Variants in GBE1 observed in about 807,000 individuals in gnomAD.
The protein encoded by GBE1 is 1,4-alpha-glucan-branching enzyme.
In GBE1, 70 loss-of-function variants were observed where a neutral mutation model predicts 88.8. The ratio of observed to expected loss-of-function variants is 0.79; its 90% CI spans 0.65 to 0.96. The LOEUF is 0.96. Among genes scored for constraint, GBE1 ranks in the 40% least tolerant of loss-of-function variants. GBE1 has a pLI of 0.00. For synonymous variants in GBE1, 284 were observed against 300.1 expected (o/e 0.95, Z 0.56); for missense variants, 872 against 871.0 (o/e 1.00, Z -0.01).
chr3:81,750,605 ATATATATATATG>A (rs1559708648), intron 1 of GBE1, among the ~76,000 whole-genome samples: 19 of 35,530 alleles, frequency 5.3e-4, no homozygotes, highest in Admixed American at 6.2e-4. Flanking sequence ...ATATATGTGT[ATATATATATATG>A]TATATATATA....
At chr3:81,590,969 A>T in intron 9 of GBE1, 68 bp downstream of exon 9, 1 of 1,363,556 alleles carries the variant, frequency 7.3e-7, no homozygotes, top group South Asian at 1.6e-5. Context: ...GATTAATCAA[A>T]TACTGTATGC....
chr3:81,582,150 A>T (rs1397935247), intron 10 of GBE1, among the ~76,000 whole-genome samples: 1 of 152,070 alleles, frequency 6.6e-6, no homozygotes, highest in Non-Finnish European at 1.5e-5. Context: ...ACTGTCATAC[A>T]ATTATGAGAA....
At chr3:81,624,982 C>T (rs1704391419) in intron 7 of GBE1, among the ~76,000 whole-genome samples, 1 of 151,582 alleles carries the variant, frequency 6.6e-6, no homozygotes, top group Non-Finnish European at 1.5e-5. Flanking sequence ...GAGCCAACCA[C>T]AGGGAAGACA....
intron 1 of GBE1, among the ~76,000 whole-genome samples, chr3:81,717,955 TTTTA>T (rs57810073): frequency 0.037 from 5,443 of 147,006 alleles, 201 homozygotes; most frequent in African/African-American, 0.092. Context: ...GGAAATTTTA[TTTTA>T]TTTATTTATT....
Position 81,708,372 on chromosome 3 carries a change from G to T in GBE1, c.144-2759C>A, listed in dbSNP as rs183651358. ...ATAAACTTTAATATTTTAAAAATAA[G>T]TAAGTCCAAGAGATCATGGAAAATG... is the stretch of plus-strand genomic sequence containing the variant. On this transcript the variant is annotated intron_variant, in intron 1 of 15. Coordinates refer to ENST00000429644, the MANE Select transcript of GBE1 (RefSeq NM_000158.4). Among the ~76,000 whole-genome samples, 778 of 152,016 alleles carry T rather than the reference G, an allele frequency of 5.1e-3. 4 individuals are homozygous for T. The highest frequency in any genetic ancestry group is 0.019 in the South Asian group (90 of 4,822).
chr3:81,618,991 A>C lies in GBE1; in HGVS notation c.992+23790T>G, dbSNP rs150827982. 3.0e-4 allele frequency among the ~76,000 whole-genome samples: 45 copies of C among 151,948 alleles called. No homozygotes were observed. In the East Asian group the frequency reaches 7.8e-3, roughly 26 times the overall value. On this transcript the variant is annotated intron_variant, in intron 7 of 15. Transcript: ENST00000429644. ...ATATGAGATTCTTTTTAAAAAAATG[A>C]CTCTTTAAATTATATCAAAATAATG...
At chr3:81,583,906 T>G (rs1325724503) in intron 10 of GBE1, among the ~76,000 whole-genome samples, 2 of 152,098 alleles carry the variant, frequency 1.3e-5, no homozygotes, top group African/African-American at 2.4e-5. Context: ...TGGGGAAAAC[T>G]GATGAATGAG....
In GBE1 at chr3:81,490,323, G is replaced by T. The variant is rs1702420245; in HGVS notation, c.*84C>A. On this transcript the variant is annotated 3_prime_UTR_variant, in exon 16 of 16. Transcript: ENST00000429644. ...TGGCTAGACAACTGTATTCTGAAAA[G>T]CATACATGTTATAAGCTGTGTGACA... 2 of 1,129,778 alleles carry T rather than the reference G, an allele frequency of 1.8e-6. No homozygotes were observed. The highest frequency in any genetic ancestry group is 1.5e-5 in the African/African-American group (1 of 65,364). The allele number at this position is 1,129,778 out of a possible 1,614,324, so 70.0% of individuals were successfully genotyped here.
Position 81,525,888 on chromosome 3 carries a change from C to A in GBE1, c.1934+9307G>T, listed in dbSNP as rs1398393515. The stretch of plus-strand genomic sequence containing the variant: ...GGGTTGGTGGTGATATCCCCTTTAT[C>A]ATTTTTTATTGCATCTACTTGATTC... On this transcript the variant is annotated intron_variant, in intron 14 of 15. Transcript: ENST00000429644. 2.0e-5 allele frequency among the ~76,000 whole-genome samples: 3 copies of A among 152,106 alleles called. No individual in the cohort carries two copies. The East Asian group carries it at 5.8e-4, about 30-fold the overall frequency.
At chr3:81,657,754 T>C (rs1382767738) in intron 3 of GBE1, among the ~76,000 whole-genome samples, 6 of 152,170 alleles carry the variant, frequency 3.9e-5, no homozygotes, top group African/African-American at 7.2e-5. Context: ...ATAAAGTTCA[T>C]ATATTTTAGA....
intron 11 of GBE1, 145 bp from the exon 12 acceptor site, chr3:81,578,241 CT>C: frequency 1.6e-6 from 1 of 619,360 alleles, no homozygotes; most frequent in Non-Finnish European, 2.6e-6. Flanking sequence ...GTATTTTCCA[CT>C]GGTGATTTTC....
rs78820053 is a variant in GBE1 at position 81,505,020 on chromosome 3, A to G, written c.1935-5793T>C. ...TGGCAGAGCGGGTAAGTTACAATGT[A>G]TCTTCAAATCTAAGACATCACCCAT... On this transcript the variant is annotated intron_variant, in intron 14 of 15. Transcript: ENST00000429644. Among the ~76,000 whole-genome samples the G allele has an allele frequency of 8.0e-3, 1,223 of 152,316 alleles. 12 individuals are homozygous for G. Among genetic ancestry groups the G allele is most frequent in the African/African-American group, 0.025 (1,026 of 41,578 alleles).
At chr3:81,611,410 A>G (rs899747209) in intron 7 of GBE1, among the ~76,000 whole-genome samples, 4 of 152,194 alleles carry the variant, frequency 2.6e-5, no homozygotes, top group Non-Finnish European at 5.9e-5. Context: ...CAATTGGGGG[A>G]AAATGGAAAT....
intron 1 of GBE1, among the ~76,000 whole-genome samples, chr3:81,721,038 C>G (rs1446844826): frequency 2.9e-4 from 19 of 66,598 alleles, no homozygotes; most frequent in Non-Finnish European, 4.1e-4. Flanking sequence ...ATATCACACT[C>G]TGGGGACTGT....
intron 12 of GBE1, among the ~76,000 whole-genome samples, 156 bp downstream of exon 12, chr3:81,577,768 AT>A (rs1703668120): frequency 6.6e-6 from 1 of 152,162 alleles, no homozygotes; most frequent in Admixed American, 6.6e-5. Flanking sequence ...CAGTGATTTA[AT>A]TTTATTCTTG....
At chr3:81,523,179 AT>A (rs1702896658) in intron 14 of GBE1, among the ~76,000 whole-genome samples, 1 of 150,356 alleles carries the variant, frequency 6.7e-6, no homozygotes, top group Admixed American at 6.7e-5. Context: ...TATAATACAT[AT>A]ATTATTATGT....
intron 14 of GBE1, among the ~76,000 whole-genome samples, chr3:81,528,289 G>A (rs1035673708): frequency 6.6e-6 from 1 of 151,446 alleles, no homozygotes; most frequent in East Asian, 2.0e-4. Context: ...ACGAGTTAAT[G>A]GGTGCAAGCA....
In GBE1 at chr3:81,552,520, TAAAAAAAAAAAAA is replaced by T. The variant is rs58899195; in HGVS notation, c.1619-15438_1619-15426del. 7.2e-5 allele frequency among the ~76,000 whole-genome samples: 4 copies of T among 55,826 alleles called. No individual in the cohort carries two copies. The South Asian group carries it at 4.6e-3, about 64-fold the overall frequency. 36.6% of individuals were successfully genotyped at this position (55,826 alleles called of 152,430 possible). Reference sequence around the variant, plus strand: ...AGACAGAGCAAGGCTCTATCTTATATAAAAAAAAAAAAAAAAAAAAAAAAAAGAAGGCTGTCAA... The same window carrying T: ...AGACAGAGCAAGGCTCTATCTTATATAAAAAAAAAAAAAGAAGGCTGTCAA... On this transcript the variant is annotated intron_variant, in intron 12 of 15. Transcript: ENST00000429644.
intron 7 of GBE1, among the ~76,000 whole-genome samples, chr3:81,623,955 G>A (rs940535069): frequency 6.6e-6 from 1 of 152,148 alleles, no homozygotes; most frequent in Non-Finnish European, 1.5e-5. Flanking sequence ...ACAAGCATGA[G>A]CCACTGTGCC....
Sources: gnomAD v4.1 joint callset for allele counts (sites outside exome capture counted in the v4.1 genomes callset) on GRCh38, gnomAD v4.1.1 for gene constraint, MANE v1.5 for transcripts, NCBI Gene and HGNC (gene_info 2026-07-23, HGNC 2026-07-21) for gene names.